The following KPNA4 variants were observed in gnomAD, a reference collection of about 807,000 sequenced individuals.
The protein encoded by KPNA4 is importin subunit alpha-3.
Under a neutral mutation model 71.3 loss-of-function variants are expected in KPNA4, and 13 were observed. The observed-to-expected ratio is 0.18, with a 90% confidence interval of 0.12 to 0.29. The LOEUF (loss-of-function observed/expected upper bound fraction) is 0.29, where lower values mean the gene tolerates loss of function less well. Among genes scored for constraint, KPNA4 ranks in the 10% least tolerant of loss-of-function variants. The pLI, the probability that KPNA4 is intolerant of heterozygous loss-of-function variation, is 1.00. For synonymous variants in KPNA4, 189 were observed against 195.2 expected (o/e 0.97, Z 0.26); for missense variants, 334 against 603.2 (o/e 0.55, Z 4.67).
intron 1 of KPNA4, among the ~76,000 whole-genome samples, chr3:160,545,860 T>C (rs993134662): frequency 5.3e-5 from 8 of 152,124 alleles, no homozygotes; most frequent in Non-Finnish European, 8.8e-5. Context: ...ACAGACTGGA[T>C]AGAACTGTCA....
chr3:160,505,425 G>A (rs1326822452), intron 15 of KPNA4, among the ~76,000 whole-genome samples: 1 of 152,046 alleles, frequency 6.6e-6, no homozygotes, highest in Non-Finnish European at 1.5e-5. Flanking sequence ...TTTTTCTAGT[G>A]AGCACGTATG....
chr3:160,537,206 G>C (rs1721708228), intron 1 of KPNA4, among the ~76,000 whole-genome samples: 1 of 150,542 alleles, frequency 6.6e-6, no homozygotes, highest in Admixed American at 6.6e-5. Context: ...TACAAGATTA[G>C]TAAATTCAAC....
At chr3:160,542,089 A>T (rs1042889745) in intron 1 of KPNA4, among the ~76,000 whole-genome samples, 1 of 152,226 alleles carries the variant, frequency 6.6e-6, no homozygotes, top group Non-Finnish European at 1.5e-5. Context: ...CATGTACAAA[A>T]AGAGAGAACT....
rs1482065392 is a variant in KPNA4, at chr3:160,536,952, T to C, written c.70-112A>G. The stretch of plus-strand genomic sequence containing the variant: ...CCTCTAATCTTTTCTTTTAGCCATA[T>C]GGATATAAAGTCAAATCTTACTCAT... On this transcript the variant is annotated intron_variant, in intron 1 of 16. Coordinates refer to ENST00000334256, the MANE Select transcript of KPNA4 (RefSeq NM_002268.5). 1.2e-5 allele frequency: 6 copies of C among 516,204 alleles called. No individual in the cohort carries two copies. The South Asian group carries it at 1.9e-4, about 17-fold the overall frequency. The allele number at this position is 516,204 out of a possible 1,614,324, so 32.0% of individuals were successfully genotyped here.
rs529054373 is a variant in KPNA4 at position 160,500,393 on chromosome 3, A to C, written c.*1711T>G. The C allele has an allele frequency of 1.2e-4, 18 of 152,758 alleles. No individual in the cohort carries two copies. The South Asian group carries it at 3.5e-3, about 30-fold the overall frequency. 9.5% of individuals were successfully genotyped at this position (152,758 alleles called of 1,614,324 possible). On this transcript the variant is annotated 3_prime_UTR_variant, in exon 17 of 17. Coordinates refer to ENST00000334256, the MANE Select transcript of KPNA4 (RefSeq NM_002268.5). ...GTTTCAGAATTACCAGTTGATTTTT[A>C]AACACAAAGTAGATATAGATGCTAA...
At chr3:160,510,948 T>G (rs1577046766) in intron 13 of KPNA4, among the ~76,000 whole-genome samples, 2 of 151,418 alleles carry the variant, frequency 1.3e-5, no homozygotes, top group South Asian at 4.2e-4. Context: ...CCACCACGCC[T>G]GGCTAGTTTT....
intron 14 of KPNA4, among the ~76,000 whole-genome samples, chr3:160,508,715 T>C (rs1337311373): frequency 6.6e-6 from 1 of 152,046 alleles, no homozygotes; most frequent in East Asian, 1.9e-4. Context: ...GACGGGGGTC[T>C]CACTATGTTG....
At chr3:160,530,353 C>A (rs777600408) in intron 7 of KPNA4, among the ~76,000 whole-genome samples, 4 of 152,020 alleles carry the variant, frequency 2.6e-5, no homozygotes, top group Middle Eastern at 3.4e-3. Flanking sequence ...GTGGCACATG[C>A]CTGTAGTCCC....
chr3:160,539,764 G>A (rs1721759299), intron 1 of KPNA4, among the ~76,000 whole-genome samples: 1 of 152,022 alleles, frequency 6.6e-6, no homozygotes, highest in Non-Finnish European at 1.5e-5. Context: ...TGAGGGACTG[G>A]GTATTTCCAG....
chr3:160,515,106 C>A, intron 12 of KPNA4: 1 of 520,004 alleles, frequency 1.9e-6, no homozygotes, highest in Non-Finnish European at 3.8e-6. Context: ...CACAAGCACA[C>A]ACACATGCAT....
chr3:160,517,322 T>C (rs1017080985), intron 11 of KPNA4, among the ~76,000 whole-genome samples: 1 of 152,122 alleles, frequency 6.6e-6, no homozygotes, highest in African/African-American at 2.4e-5. Flanking sequence ...CCAAATAATA[T>C]TTCACTGTGT....
intron 5 of KPNA4, 142 bp from the exon 6 acceptor site, chr3:160,531,699 C>T: frequency 4.6e-6 from 2 of 430,246 alleles, no homozygotes; most frequent in Non-Finnish European, 8.4e-6. Flanking sequence ...TTATATAATG[C>T]AACCTTTTCT....
chr3:160,526,696 A>C (rs1025708025), intron 8 of KPNA4, among the ~76,000 whole-genome samples: 2 of 152,240 alleles, frequency 1.3e-5, no homozygotes, highest in African/African-American at 4.8e-5. Context: ...TGCCAAGTTT[A>C]ATTTCTGTAT....
At chr3:160,509,680 C>G (rs918232115) in intron 14 of KPNA4, 120 bp downstream of exon 14, 4 of 744,386 alleles carry the variant, frequency 5.4e-6, no homozygotes, top group Non-Finnish European at 6.9e-6. Context: ...GATCCTCCAG[C>G]CTTGGCCTCC....
At chr3:160,540,671 C>G (rs993630911) in intron 1 of KPNA4, among the ~76,000 whole-genome samples, 9 of 152,262 alleles carry the variant, frequency 5.9e-5, no homozygotes, top group African/African-American at 2.2e-4. Context: ...GCTTTGTATA[C>G]TACATGAAAA....
At chr3:160,559,122 TGACA>T (rs1242556473) in intron 1 of KPNA4, among the ~76,000 whole-genome samples, 2 of 152,180 alleles carry the variant, frequency 1.3e-5, no homozygotes, top group Non-Finnish European at 2.9e-5. Context: ...AAAAAACGAC[TGACA>T]GACAAATTAT....
At chr3:160,563,892 T>C (rs1193014262) in intron 1 of KPNA4, among the ~76,000 whole-genome samples, 1 of 152,112 alleles carries the variant, frequency 6.6e-6, no homozygotes, top group Non-Finnish European at 1.5e-5. Context: ...GGACACTTAG[T>C]CGTCCCTCAA....
chr3:160,543,125 CG>C (rs2108556496), intron 1 of KPNA4, among the ~76,000 whole-genome samples: 1 of 152,170 alleles, frequency 6.6e-6, no homozygotes, highest in South Asian at 2.1e-4. Context: ...ATCTTTTGCA[CG>C]AGGTTACATA....
intron 15 of KPNA4, among the ~76,000 whole-genome samples, chr3:160,505,827 T>C (rs1720972780): frequency 6.6e-6 from 1 of 152,220 alleles, no homozygotes; most frequent in African/African-American, 2.4e-5. Flanking sequence ...TGCAAATCTA[T>C]AGCTTCATTT....
Sources: allele counts gnomAD v4.1 joint callset (sites outside exome capture counted in the v4.1 genomes callset), GRCh38; gene constraint gnomAD v4.1.1; transcripts MANE v1.5; gene names NCBI Gene and HGNC (gene_info 2026-07-23, HGNC 2026-07-21).